CDK19: variants seen among roughly 807,000 people sequenced by gnomAD.
The protein encoded by CDK19 is cyclin-dependent kinase 19.
In CDK19, 20 loss-of-function variants were observed where a neutral mutation model predicts 68.3. The ratio of observed to expected loss-of-function variants is 0.29; its 90% CI spans 0.21 to 0.43. CDK19 has a LOEUF of 0.43. Among genes scored for constraint, CDK19 ranks in the 20% least tolerant of loss-of-function variants. The pLI, the probability that CDK19 is intolerant of heterozygous loss-of-function variation, is 1.00. For missense variants in CDK19, 339 were observed against 623.5 expected (o/e 0.54, Z 4.86); for synonymous variants, 221 against 222.8 (o/e 0.99, Z 0.07).
intron 1 of CDK19, among the ~76,000 whole-genome samples, chr6:110,786,134 T>A (rs1217885207): frequency 6.6e-6 from 1 of 152,212 alleles, no homozygotes; most frequent in East Asian, 1.9e-4. Context: ...AGAGGAGATG[T>A]TGTAAAAGAA....
At chr6:110,661,634 A>C (rs1037952121) in intron 4 of CDK19, among the ~76,000 whole-genome samples, 1 of 152,140 alleles carries the variant, frequency 6.6e-6, no homozygotes, top group African/African-American at 2.4e-5. Context: ...TCCTTTAATC[A>C]GATGAAGAAA....
chr6:110,638,382 T>C (rs764491231), intron 5 of CDK19, among the ~76,000 whole-genome samples: 1 of 152,198 alleles, frequency 6.6e-6, no homozygotes, highest in African/African-American at 2.4e-5. Context: ...CATAAACACA[T>C]GCTTGGGTTA....
chr6:110,672,847 T>C (rs1771139701), intron 2 of CDK19, among the ~76,000 whole-genome samples: 1 of 152,044 alleles, frequency 6.6e-6, no homozygotes, highest in Non-Finnish European at 1.5e-5. Flanking sequence ...AAAATAAAAA[T>C]AATATTTCTT....
intron 1 of CDK19, among the ~76,000 whole-genome samples, chr6:110,812,006 C>G (rs1478801988): frequency 6.6e-6 from 1 of 151,312 alleles, no homozygotes; most frequent in Non-Finnish European, 1.5e-5. Flanking sequence ...AAGACTAGCT[C>G]TGGCAACACA....
At chr6:110,630,238 C>T (rs1245610317) in intron 6 of CDK19, among the ~76,000 whole-genome samples, 2 of 152,152 alleles carry the variant, frequency 1.3e-5, no homozygotes, top group African/African-American at 4.8e-5. Flanking sequence ...AGGAAATCTC[C>T]CTTCTAGAGC....
At chr6:110,782,763 A>T (rs778819439) in intron 1 of CDK19, among the ~76,000 whole-genome samples, 1 of 152,182 alleles carries the variant, frequency 6.6e-6, no homozygotes, top group Non-Finnish European at 1.5e-5. Flanking sequence ...ATCAGGTTAA[A>T]CACCAAATTC....
chr6:110,717,304 GAT>G, intron 2 of CDK19, among the ~76,000 whole-genome samples: 1 of 151,468 alleles, frequency 6.6e-6, no homozygotes, highest in South Asian at 2.1e-4. Context: ...GATATATTTT[GAT>G]ATATATATCT....
chr6:110,624,588 G>T (rs1187500429), intron 8 of CDK19, among the ~76,000 whole-genome samples: 1 of 152,104 alleles, frequency 6.6e-6, no homozygotes, highest in East Asian at 1.9e-4. Context: ...TATAAACACA[G>T]GAATTTTTGC....
At chr6:110,752,037 G>A (rs1254218296) in intron 1 of CDK19, among the ~76,000 whole-genome samples, 2 of 151,126 alleles carry the variant, frequency 1.3e-5, no homozygotes, top group Non-Finnish European at 2.9e-5. Context: ...AACACAATGT[G>A]GAATAAAAAT....
chr6:110,677,555 G>A (rs987258703), intron 2 of CDK19, among the ~76,000 whole-genome samples: 3 of 140,740 alleles, frequency 2.1e-5, no homozygotes, highest in African/African-American at 8.0e-5. Context: ...AGCAGAGAGA[G>A]ACCCCATCTC....
intron 5 of CDK19, among the ~76,000 whole-genome samples, chr6:110,638,142 C>A (rs560787612): frequency 8.5e-5 from 13 of 152,100 alleles, no homozygotes; most frequent in South Asian, 2.1e-4. Flanking sequence ...CTAAGAGAGG[C>A]AGCTAAGAGA....
At chr6:110,641,056 T>C (rs1780115785) in intron 4 of CDK19, among the ~76,000 whole-genome samples, 1 of 152,110 alleles carries the variant, frequency 6.6e-6, no homozygotes, top group Non-Finnish European at 1.5e-5. Context: ...TTGAAAGTTA[T>C]TATCACCAGA....
At chr6:110,769,564 CAA>C (rs199964074) in intron 1 of CDK19, among the ~76,000 whole-genome samples, 71 of 117,940 alleles carry the variant, frequency 6.0e-4, no homozygotes, top group African/African-American at 1.8e-3. Flanking sequence ...GATTCCATCT[CAA>C]AAAAAAAAAA....
intron 2 of CDK19, among the ~76,000 whole-genome samples, chr6:110,704,202 G>GTCATAA (rs1774246919): frequency 6.6e-6 from 1 of 152,166 alleles, no homozygotes. Context: ...TGGGAACATA[G>GTCATAA]TTCAGTCAAT....
chr6:110,780,323 G>A (rs920770304), intron 1 of CDK19, among the ~76,000 whole-genome samples: 7 of 149,584 alleles, frequency 4.7e-5, no homozygotes, highest in African/African-American at 1.5e-4. Context: ...CTGGGAGGCA[G>A]AGGTTGCAGT....
intron 1 of CDK19, among the ~76,000 whole-genome samples, chr6:110,752,554 G>A (rs1211194256): frequency 6.6e-6 from 1 of 152,052 alleles, no homozygotes; most frequent in Non-Finnish European, 1.5e-5. Context: ...ACAAAAATGT[G>A]CTTCAAAAAT....
At chr6:110,766,017 G>T (rs1177570505) in intron 1 of CDK19, among the ~76,000 whole-genome samples, 6 of 152,106 alleles carry the variant, frequency 3.9e-5, no homozygotes, top group Non-Finnish European at 7.3e-5. Flanking sequence ...AATTAATACA[G>T]CCATTATGGA....
chr6:110,638,838 C>G, intron 4 of CDK19, 132 bp from the exon 5 acceptor site: 1 of 597,358 alleles, frequency 1.7e-6, no homozygotes, highest in Non-Finnish European at 3.0e-6. Flanking sequence ...ATTAAGCACC[C>G]TCTACATAGT....
At chr6:110,654,812 A>G (rs898723865) in intron 4 of CDK19, among the ~76,000 whole-genome samples, 5 of 152,072 alleles carry the variant, frequency 3.3e-5, no homozygotes, top group Non-Finnish European at 7.4e-5. Flanking sequence ...ATGGTGGCGC[A>G]TGCCTGTAAT....
Sources: allele counts gnomAD v4.1 joint callset (sites outside exome capture counted in the v4.1 genomes callset), GRCh38; gene constraint gnomAD v4.1.1; transcripts MANE v1.5; gene names NCBI Gene and HGNC (gene_info 2026-07-23, HGNC 2026-07-21).